The following RAI14 variants were observed in gnomAD, a reference collection of about 807,000 sequenced individuals.
RAI14 encodes ankycorbin.
A neutral mutation model predicts 115.4 loss-of-function variants in RAI14; 45 were observed. The observed-to-expected ratio is 0.39, with a 90% CI of 0.31 to 0.50. RAI14 has a LOEUF of 0.50. Among genes scored for constraint, RAI14 ranks in the 20% least tolerant of loss-of-function variants. The probability of loss-of-function intolerance (pLI) is 0.85; values close to 1 mark genes in which losing one functional copy is unlikely to be tolerated. For missense variants in RAI14, 939 were observed against 1,131.2 expected, an observed-to-expected ratio of 0.83 and a Z score of 2.44; for synonymous variants, 371 against 415.4, an observed-to-expected ratio of 0.89 and a Z score of 1.30.
At chr5:34,672,864 C>T (rs904007389) in intron 1 of RAI14, among the ~76,000 whole-genome samples, 34 of 152,042 alleles carry the variant, frequency 2.2e-4, no homozygotes, top group African/African-American at 7.5e-4. Context: ...ACTTCCCCAC[C>T]GTCTGTCCTT....
chr5:34,826,808 G>A (rs191044757), intron 16 of RAI14, among the ~76,000 whole-genome samples: 2 of 152,316 alleles, frequency 1.3e-5, no homozygotes, highest in African/African-American at 2.4e-5. Flanking sequence ...ATCTCTGGCA[G>A]TGGCAAGAGC....
At chr5:34,716,122 G>T in intron 2 of RAI14, 1 of 427,466 alleles carries the variant, frequency 2.3e-6, no homozygotes, top group Non-Finnish European at 4.6e-6. Context: ...AGTTATTTGT[G>T]GCAAAAGACA....
chr5:34,783,177 G>A lies in RAI14; in HGVS notation c.168-12762G>A, dbSNP rs376362960. On this transcript the variant is annotated intron_variant, in intron 3 of 17. Transcript: ENST00000265109. ...CAAGGCAGTGGTGATCACTGCTATC[G>A]CAGCTACCATTAAATTACTCATTGT... Among the ~76,000 whole-genome samples the A allele has an allele frequency of 6.6e-5, 10 of 152,302 alleles. No homozygotes were observed. In the East Asian group the frequency reaches 1.4e-3, roughly 21 times the overall value.
At chr5:34,767,102 G>A (rs907631686) in intron 3 of RAI14, among the ~76,000 whole-genome samples, 14 of 152,270 alleles carry the variant, frequency 9.2e-5, no homozygotes, top group African/African-American at 3.1e-4. Flanking sequence ...CCAGTTTTGG[G>A]TATGTCTTTA....
chr5:34,806,684 T>C (rs554634302), intron 5 of RAI14, among the ~76,000 whole-genome samples: 1 of 151,920 alleles, frequency 6.6e-6, no homozygotes, highest in African/African-American at 2.4e-5. Context: ...TCTAGACTGA[T>C]GATGATGCTG....
chr5:34,762,951 GTGTGTGTGTGTGTGTGTGTGTGTGTA>G (rs1248153019), intron 3 of RAI14, among the ~76,000 whole-genome samples: 1 of 149,440 alleles, frequency 6.7e-6, no homozygotes, highest in African/African-American at 2.5e-5. Context: ...GTGTGTGTGT[GTGTGTGTGTGTGTGTGTGTGTGTGTA>G]TGTGTCTGTA....
At chr5:34,824,573 G>GCCAACACTAGAAA in intron 15 of RAI14, 82 bp downstream of exon 15, 2 of 1,159,680 alleles carry the variant, frequency 1.7e-6, no homozygotes, top group Non-Finnish European at 2.4e-6. Flanking sequence ...TATTTCTAGT[G>GCCAACACTAGAAA]TTGGCACTAA....
rs561791822 is a variant in RAI14 at position 34,777,727 on chromosome 5, C to T, written c.168-18212C>T. ...CCGGGAGGCAGAGATGGCAGTGAGCCGAGATCGTGCTATTGCACTCCAGCC... is the reference window on the plus strand; with the variant it reads ...CCGGGAGGCAGAGATGGCAGTGAGCTGAGATCGTGCTATTGCACTCCAGCC... On this transcript the variant is annotated intron_variant, in intron 3 of 17. Transcript: ENST00000265109. 1.9e-3 allele frequency among the ~76,000 whole-genome samples: 285 copies of T among 152,114 alleles called. 3 individuals carry two copies. Among genetic ancestry groups the T allele is most frequent in the South Asian group, 0.014 (69 of 4,812 alleles).
chr5:34,697,361 G>A (rs189250936), intron 2 of RAI14, among the ~76,000 whole-genome samples: 246 of 151,776 alleles, frequency 1.6e-3, no homozygotes, highest in Middle Eastern at 3.4e-3. Flanking sequence ...GCTTGAACCC[G>A]GGAGGCAGAG....
chr5:34,770,246 G>C (rs1183549361), intron 3 of RAI14, among the ~76,000 whole-genome samples: 1 of 152,140 alleles, frequency 6.6e-6, no homozygotes, highest in Non-Finnish European at 1.5e-5. Context: ...AAGCAAAATC[G>C]AGCTCATGTC....
intron 2 of RAI14, among the ~76,000 whole-genome samples, chr5:34,723,050 A>T (rs569043275): frequency 6.7e-6 from 1 of 150,292 alleles, no homozygotes; most frequent in African/African-American, 2.5e-5. Context: ...CAGTGAGCCA[A>T]GATTGCACCA....
At position 34,791,965 on chromosome 5, in the gene RAI14, C is replaced by T. The variant is rs1194724913; in HGVS notation, c.168-3974C>T. ...CCAGGAGCCAAAGCACAGGGCAGCC[C>T]ATTGGATGCAGTTCATTAGGGGACT... On this transcript the variant is annotated intron_variant, in intron 3 of 17. Transcript: ENST00000265109. This position sits in a 1 kb window ranked among gnomAD's most constrained non-coding sequence, Gnocchi z 5.4. 6.6e-6 allele frequency among the ~76,000 whole-genome samples: 1 copy of T among 152,186 alleles called. No individual in the cohort carries two copies. The highest frequency in any genetic ancestry group is 2.4e-5 in the African/African-American group (1 of 41,450).
chr5:34,722,941 A>G (rs1742965695), intron 2 of RAI14, among the ~76,000 whole-genome samples: 1 of 151,916 alleles, frequency 6.6e-6, no homozygotes, highest in Non-Finnish European at 1.5e-5. Context: ...AATTAAAAAA[A>G]ATACAAAAAT....
In RAI14 at chr5:34,729,351, C is replaced by T. The variant is rs551676276; in HGVS notation, c.37-28117C>T. Among the ~76,000 whole-genome samples, 15 of 151,950 alleles carry T rather than the reference C, an allele frequency of 9.9e-5. No homozygotes were observed. The South Asian group carries it at 1.9e-3, about 19-fold the overall frequency. The stretch of plus-strand genomic sequence containing the variant: ...GTGACAGAGCAAGTGCCTGTCTATA[C>T]ACACACACACAAGCTGAAGGGTGAA... On this transcript the variant is annotated intron_variant, in intron 2 of 17. Transcript: ENST00000265109.
chr5:34,701,322 T>TG (rs1001449034), intron 2 of RAI14, among the ~76,000 whole-genome samples: 14 of 152,322 alleles, frequency 9.2e-5, no homozygotes, highest in African/African-American at 3.1e-4. Context: ...TCCTTCTTTG[T>TG]GGGGGGAAAA....
chr5:34,831,786 C>T lies in RAI14; in HGVS notation c.*1021C>T, dbSNP rs1353942867. 1 of 152,098 alleles carries T rather than the reference C, an allele frequency of 6.6e-6. No individual in the cohort carries two copies. The highest frequency in any genetic ancestry group is 1.5e-5 in the Non-Finnish European group (1 of 68,008). The allele number at this position is 152,098 out of a possible 1,614,324, so 9.4% of individuals were successfully genotyped here. A position where few individuals can be genotyped will look rare whatever the true frequency, so the allele number is the denominator to read the frequency against. Reference sequence around the variant, plus strand: ...GCAAAAGGTAGTTATGTATGCCAGACCTAATATGAGCTGCCACCAACACCC... The same window carrying T: ...GCAAAAGGTAGTTATGTATGCCAGATCTAATATGAGCTGCCACCAACACCC... On this transcript the variant is annotated 3_prime_UTR_variant, in exon 18 of 18. Transcript: ENST00000265109.
At chr5:34,812,341 C>T in intron 10 of RAI14, 133 bp downstream of exon 10, 1 of 879,964 alleles carries the variant, frequency 1.1e-6, no homozygotes, top group East Asian at 2.6e-5. Flanking sequence ...ACTGAAATAT[C>T]TTTGAATAAA....
chr5:34,716,102 A>C (rs1741957974), intron 2 of RAI14: 1 of 442,724 alleles, frequency 2.3e-6, no homozygotes, highest in African/African-American at 2.0e-5. Flanking sequence ...GCCTGATAAC[A>C]TACATCTGCA....
intron 5 of RAI14, among the ~76,000 whole-genome samples, chr5:34,807,230 C>T (rs1204977790): frequency 1.3e-5 from 2 of 151,960 alleles, no homozygotes; most frequent in South Asian, 2.1e-4. Context: ...GAGGAGGAGC[C>T]GCAAGAGGAA....
Sources: allele counts gnomAD v4.1 joint callset (sites outside exome capture counted in the v4.1 genomes callset), GRCh38; gene constraint gnomAD v4.1.1; non-coding constraint Gnocchi (gnomAD v3.1); transcripts MANE v1.5; gene names NCBI Gene and HGNC (gene_info 2026-07-23, HGNC 2026-07-21).